ADAMTS6: variants seen among roughly 807,000 people sequenced by gnomAD.
ADAMTS6 encodes ADAM metallopeptidase with thrombospondin type 1 motif 6, also known as A disintegrin and metalloproteinase with thrombospondin motifs 6.
ADAMTS6 carries 23 observed loss-of-function variants against 144.3 expected under a neutral mutation model. The observed-to-expected ratio is 0.16, with a 90% confidence interval of 0.11 to 0.23. The LOEUF is 0.23. ADAMTS6 is among the 10% of genes least tolerant of loss of function. The probability of loss-of-function intolerance (pLI) is 1.00; values close to 1 mark genes in which losing one functional copy is unlikely to be tolerated. For synonymous variants in ADAMTS6, 444 were observed against 457.5 expected (o/e 0.97, Z 0.38); for missense variants, 999 against 1,379.6 (o/e 0.72, Z 4.37).
intron 20 of ADAMTS6, chr5:65,198,618 T>G (rs888336167): frequency 8.4e-5 from 14 of 167,102 alleles, no homozygotes; most frequent in African/African-American, 3.4e-4. Flanking sequence ...GTAGCTTCCA[T>G]GACAGTGGTG....
chr5:65,215,199 A>G (rs1580079978), intron 19 of ADAMTS6, 125 bp downstream of exon 19: 1 of 1,217,548 alleles, frequency 8.2e-7, no homozygotes, highest in East Asian at 2.5e-5. Context: ...CCCTTGGGTA[A>G]ATCATTTTAT....
At chr5:65,449,731 G>A (rs537260554) in intron 7 of ADAMTS6, among the ~76,000 whole-genome samples, 63 of 152,324 alleles carry the variant, frequency 4.1e-4, no homozygotes, top group Non-Finnish European at 7.2e-4. Flanking sequence ...GAGCCCTGCA[G>A]AGAATCGGGA....
At position 65,317,170 on chromosome 5, in the gene ADAMTS6, G is replaced by A. The variant is rs547314095; in HGVS notation, c.1223+12208C>T. 4.6e-5 allele frequency among the ~76,000 whole-genome samples: 7 copies of A among 152,236 alleles called. 1 individual carries two copies. The South Asian group carries it at 1.2e-3, about 27-fold the overall frequency. Reference sequence around the variant, plus strand: ...TAAAATACTTGAAGCAAAAACTGACGGAGTGAAAAGGAGAAGTAGACAAAT... The same window carrying A: ...TAAAATACTTGAAGCAAAAACTGACAGAGTGAAAAGGAGAAGTAGACAAAT... On this transcript the variant is annotated intron_variant, in intron 9 of 24. Coordinates refer to ENST00000381055, the MANE Select transcript of ADAMTS6 (RefSeq NM_197941.4).
chr5:65,291,809 T>A (rs1742329673), intron 10 of ADAMTS6, among the ~76,000 whole-genome samples: 1 of 151,946 alleles, frequency 6.6e-6, no homozygotes, highest in African/African-American at 2.4e-5. Context: ...TATAACCACA[T>A]CTGGTAGTAG....
intron 7 of ADAMTS6, among the ~76,000 whole-genome samples, chr5:65,418,986 C>T (rs189059102): frequency 5.9e-5 from 9 of 152,206 alleles, no homozygotes; most frequent in African/African-American, 2.4e-5. Flanking sequence ...GAAAGCAGTT[C>T]GGAGATTTTT....
chr5:65,230,354 C>A (rs1303586755), intron 15 of ADAMTS6, among the ~76,000 whole-genome samples: 1 of 75,238 alleles, frequency 1.3e-5, no homozygotes, highest in Non-Finnish European at 2.2e-5. Flanking sequence ...ATATATAATA[C>A]ATTATATATG....
intron 24 of ADAMTS6, among the ~76,000 whole-genome samples, chr5:65,159,620 C>G (rs1028582982): frequency 1.3e-5 from 2 of 152,234 alleles, no homozygotes; most frequent in Non-Finnish European, 2.9e-5. Flanking sequence ...ACCTGCTCCT[C>G]TGTGCACTCA....
chr5:65,238,973 T>C (rs1758921001), intron 15 of ADAMTS6, among the ~76,000 whole-genome samples: 1 of 152,146 alleles, frequency 6.6e-6, no homozygotes, highest in South Asian at 2.1e-4. Flanking sequence ...TCAGTTAGCA[T>C]ATTGGAAGAA....
intron 24 of ADAMTS6, among the ~76,000 whole-genome samples, chr5:65,164,359 G>A (rs1376627783): frequency 1.3e-5 from 2 of 152,296 alleles, no homozygotes; most frequent in African/African-American, 4.8e-5. Flanking sequence ...ATTATATCCC[G>A]CACCTGGCTC....
intron 20 of ADAMTS6, chr5:65,210,613 G>A (rs1756457890): frequency 8.2e-6 from 5 of 612,102 alleles, no homozygotes; most frequent in Non-Finnish European, 1.5e-5. Context: ...CACCCCAAAG[G>A]AAGCTATGGA....
chr5:65,317,533 C>G (rs1745129210), intron 9 of ADAMTS6, among the ~76,000 whole-genome samples: 1 of 152,072 alleles, frequency 6.6e-6, no homozygotes, highest in Admixed American at 6.5e-5. Flanking sequence ...ACAAGCTAGG[C>G]AACCAAAGCA....
intron 11 of ADAMTS6, among the ~76,000 whole-genome samples, chr5:65,279,852 TC>T (rs1190372482): frequency 1.3e-5 from 2 of 152,206 alleles, no homozygotes; most frequent in African/African-American, 4.8e-5. Flanking sequence ...TCATTAATCT[TC>T]CTATCTGTCA....
At chr5:65,400,149 A>AT (rs576120550) in intron 7 of ADAMTS6, among the ~76,000 whole-genome samples, 10 of 151,424 alleles carry the variant, frequency 6.6e-5, no homozygotes, top group Admixed American at 4.0e-4. Context: ...TATAGGTAAG[A>AT]TTTTTTTTTC....
chr5:65,320,517 C>T (rs1384018945), intron 9 of ADAMTS6, among the ~76,000 whole-genome samples: 1 of 151,188 alleles, frequency 6.6e-6, no homozygotes, highest in Non-Finnish European at 1.5e-5. Flanking sequence ...AATATACAAA[C>T]TATTCCAAAA....
At chr5:65,430,436 C>T (rs1756904009) in intron 7 of ADAMTS6, among the ~76,000 whole-genome samples, 1 of 152,148 alleles carries the variant, frequency 6.6e-6, no homozygotes, top group South Asian at 2.1e-4. Context: ...TTGGAACACT[C>T]CCACCCTCCT....
At chr5:65,409,090 C>A (rs1291132306) in intron 7 of ADAMTS6, among the ~76,000 whole-genome samples, 1 of 152,098 alleles carries the variant, frequency 6.6e-6, no homozygotes, top group African/African-American at 2.4e-5. Flanking sequence ...ATTAAAAGAA[C>A]TAGAGAAGCA....
At chr5:65,384,130 A>T (rs2150138630) in intron 7 of ADAMTS6, among the ~76,000 whole-genome samples, 1 of 152,308 alleles carries the variant, frequency 6.6e-6, no homozygotes, top group East Asian at 1.9e-4. Flanking sequence ...TGTCTTGATG[A>T]ATAGCATCTG....
chr5:65,368,236 C>A (rs553439576), intron 7 of ADAMTS6, among the ~76,000 whole-genome samples: 2 of 152,288 alleles, frequency 1.3e-5, no homozygotes, highest in Admixed American at 6.5e-5. Context: ...ATAGAAACTC[C>A]TTTTGCTTAT....
intron 7 of ADAMTS6, among the ~76,000 whole-genome samples, chr5:65,358,682 T>A (rs1389778051): frequency 6.6e-6 from 1 of 152,062 alleles, no homozygotes; most frequent in Non-Finnish European, 1.5e-5. Flanking sequence ...AACAGATACA[T>A]AGCCCAAGGG....
Sources: gnomAD v4.1 joint callset for allele counts (sites outside exome capture counted in the v4.1 genomes callset) on GRCh38, gnomAD v4.1.1 for gene constraint, MANE v1.5 for transcripts, NCBI Gene and HGNC (gene_info 2026-07-23, HGNC 2026-07-21) for gene names.